The following PARVG variants were observed in gnomAD, a reference collection of about 807,000 sequenced individuals.
PARVG encodes the protein gamma-parvin.
A neutral mutation model predicts 44.4 loss-of-function variants in PARVG; 36 were observed. The observed-to-expected ratio is 0.81, with a 90% CI of 0.62 to 1.07. The LOEUF is 1.07. Among genes scored for constraint, PARVG ranks in the 50% least tolerant of loss-of-function variants. The pLI is 0.00. For synonymous variants in PARVG, 170 were observed against 174.1 expected (o/e 0.98, Z 0.19); for missense variants, 407 against 407.4 (o/e 1.00, Z 0.01).
chr22:44,174,047 G>A (rs1327195589), intron 1 of PARVG, among the ~76,000 whole-genome samples: 1 of 152,214 alleles, frequency 6.6e-6, no homozygotes, highest in African/African-American at 2.4e-5. Flanking sequence ...CAGCAATGGT[G>A]CAGAACCTTC....
chr22:44,189,943 G>A (rs925129222), intron 6 of PARVG, among the ~76,000 whole-genome samples: 4 of 152,042 alleles, frequency 2.6e-5, no homozygotes, highest in Non-Finnish European at 4.4e-5. Context: ...CCAAGAGAGC[G>A]TGCCAAACAC....
intron 7 of PARVG, among the ~76,000 whole-genome samples, chr22:44,191,404 T>TA (rs2054547252): frequency 7.0e-6 from 1 of 142,030 alleles, no homozygotes. Flanking sequence ...TTTTTTTTTT[T>TA]TTTTTTTTTT....
upstream of PARVG, among the ~76,000 whole-genome samples, chr22:44,176,154 T>C (rs2054317561): frequency 6.6e-6 from 1 of 152,214 alleles, no homozygotes; most frequent in Non-Finnish European, 1.5e-5. Flanking sequence ...AGCACAGTTG[T>C]CCCTGGTATC....
upstream of PARVG, among the ~76,000 whole-genome samples, chr22:44,176,586 ATT>A (rs139113): frequency 0.091 from 13,569 of 149,390 alleles, 862 homozygotes; most frequent in South Asian, 0.26. Context: ...AACACATTGG[ATT>A]TTTTTTTTTT....
chr22:44,193,735 GA>G, intron 8 of PARVG, 65 bp from the exon 9 acceptor site: 1 of 1,591,512 alleles, frequency 6.3e-7, no homozygotes, highest in Middle Eastern at 1.7e-4. Flanking sequence ...GTCATATTGA[GA>G]AATTGTAGGT....
At chr22:44,176,580 C>A (rs2054320664), upstream of PARVG, among the ~76,000 whole-genome samples, 1 of 122,598 alleles carries the variant, frequency 8.2e-6, no homozygotes, top group South Asian at 2.5e-4. Flanking sequence ...GAGTATAACA[C>A]ATTGGATTTT....
At chr22:44,173,828 C>A (rs1001500211) in intron 1 of PARVG, among the ~76,000 whole-genome samples, 1 of 152,100 alleles carries the variant, frequency 6.6e-6, no homozygotes, top group Non-Finnish European at 1.5e-5. Context: ...TACAGCTTAA[C>A]ATCCCACAGT....
At chr22:44,183,283 A>G in intron 2 of PARVG, 35 bp from the exon 3 acceptor site, 4 of 1,559,912 alleles carry the variant, frequency 2.6e-6, no homozygotes, top group Non-Finnish European at 3.5e-6. Context: ...GGGGCTTCTC[A>G]GACCGTGACG....
chr22:44,190,443 C>T (rs890519367), intron 6 of PARVG, 108 bp from the exon 7 acceptor site: 11 of 801,564 alleles, frequency 1.4e-5, no homozygotes, highest in African/African-American at 3.4e-5. Flanking sequence ...AGGCTGGACA[C>T]AGACCTCCTT....
At chr22:44,184,504 A>G (rs2054434454) in intron 3 of PARVG, 1 of 152,038 alleles carries the variant, frequency 6.6e-6, no homozygotes, top group Non-Finnish European at 1.5e-5. Flanking sequence ...ACACCTGGCT[A>G]ATTTTTGTAT....
intron 12 of PARVG, among the ~76,000 whole-genome samples, chr22:44,201,496 G>T (rs774930910): frequency 2.6e-5 from 4 of 152,164 alleles, no homozygotes; most frequent in Non-Finnish European, 5.9e-5. Context: ...CAGGTGCTCT[G>T]GACTTGGTTC....
intron 7 of PARVG, 141 bp from the exon 8 acceptor site, chr22:44,191,908 T>C: frequency 2.1e-6 from 2 of 940,196 alleles, no homozygotes; most frequent in East Asian, 2.5e-5. Context: ...ATCCCCAACC[T>C]CAAGACTCCT....
At chr22:44,183,783 G>A (rs771232366) in intron 3 of PARVG, 19 of 399,070 alleles carry the variant, frequency 4.8e-5, no homozygotes, top group Non-Finnish European at 7.1e-5. Context: ...AAGGGGTGAC[G>A]TGCCACAGTA....
At position 44,194,684 on chromosome 22, in the gene PARVG, A is replaced by G. The variant is rs571848204; in HGVS notation, c.583+861A>G. On this transcript the variant is annotated intron_variant, in intron 9 of 13. Coordinates refer to ENST00000444313, the MANE Select transcript of PARVG (RefSeq NM_022141.7). The stretch of plus-strand genomic sequence containing the variant: ...CATCAACCTATCCATCCATCCATCC[A>G]TCCATCCACCCACCCACCTATCCAC... Among the ~76,000 whole-genome samples the G allele has an allele frequency of 5.3e-4, 81 of 151,554 alleles. No individual in the cohort carries two copies. The South Asian group carries it at 5.9e-3, about 11-fold the overall frequency.
rs1429074216 is a variant in PARVG at position 44,207,626 on chromosome 22, A to G, written c.*1200A>G. On this transcript the variant is annotated 3_prime_UTR_variant, in exon 14 of 14. Coordinates refer to ENST00000444313, the MANE Select transcript of PARVG (RefSeq NM_022141.7). ...CTGAGGCCTTGGGGAGGGGCTTTAG[A>G]TGGGGGTTAGGGGCTAGGTCATCAT... is the stretch of plus-strand genomic sequence containing the variant. 3 of 150,526 alleles carry G rather than the reference A, an allele frequency of 2.0e-5. No homozygotes were observed. The highest frequency in any genetic ancestry group is 2.0e-4 in the East Asian group (1 of 5,072). The allele number at this position is 150,526 out of a possible 1,614,324, so 9.3% of individuals were successfully genotyped here. A position where few individuals can be genotyped will look rare whatever the true frequency, so the allele number is the denominator to read the frequency against.
intron 6 of PARVG, 43 bp from the exon 7 acceptor site, chr22:44,190,508 T>C: frequency 6.7e-7 from 1 of 1,488,422 alleles, no homozygotes; most frequent in Non-Finnish European, 9.4e-7. Flanking sequence ...CTGCACGTTT[T>C]GGCGGCCTCC....
chr22:44,198,859 T>TATCC (rs142865703), intron 12 of PARVG, 137 bp downstream of exon 12: 63,849 of 521,526 alleles, frequency 0.12, 4,558 homozygotes, highest in Admixed American at 0.16. Flanking sequence ...TATGTCTGCC[T>TATCC]ATCCATCCAT....
intron 4 of PARVG, chr22:44,186,366 T>C: frequency 2.8e-6 from 1 of 351,914 alleles, no homozygotes; most frequent in East Asian, 7.5e-5. Context: ...TCTGCTGCTA[T>C]GGCCACTGGA....
At chr22:44,175,116 C>T (rs562443246) in intron 1 of PARVG, among the ~76,000 whole-genome samples, 55 of 152,320 alleles carry the variant, frequency 3.6e-4, no homozygotes, top group African/African-American at 1.2e-3. Flanking sequence ...GAGGGAAACT[C>T]GGTCTCAAAA....
Sources: allele counts gnomAD v4.1 joint callset (sites outside exome capture counted in the v4.1 genomes callset), GRCh38; gene constraint gnomAD v4.1.1; transcripts MANE v1.5; gene names NCBI Gene and HGNC (gene_info 2026-07-23, HGNC 2026-07-21).